Variants in RBFOX1 observed in about 807,000 individuals in gnomAD.
The protein encoded by RBFOX1 is RNA binding fox-1 homolog 1, also known as RNA binding protein fox-1 homolog 1.
RBFOX1 carries 8 observed loss-of-function variants against 57.7 expected under a neutral mutation model. That is an observed-to-expected ratio of 0.14 (90% confidence interval 0.08 to 0.25). The LOEUF is 0.25. Ranked by LOEUF, RBFOX1 falls within the 10% of genes least tolerant of loss-of-function variation. RBFOX1 has a pLI of 1.00. For synonymous variants in RBFOX1, 326 were observed against 222.4 expected, an observed-to-expected ratio of 1.47 and a Z score of -4.15; for missense variants, 611 against 548.5, an observed-to-expected ratio of 1.11 and a Z score of -1.14.
intron 1 of RBFOX1, among the ~76,000 whole-genome samples, chr16:6,116,908 C>T (rs1005000176): frequency 2.0e-5 from 3 of 152,010 alleles, no homozygotes; most frequent in Non-Finnish European, 2.9e-5. Flanking sequence ...AATTGGGAGA[C>T]AGAGGGAGAG....
At position 7,417,528 on chromosome 16, in the gene RBFOX1, TTG is replaced by T. The variant is rs545621108; in HGVS notation, c.28-100587_28-100586del. Among the ~76,000 whole-genome samples the T allele has an allele frequency of 5.2e-3, 355 of 68,238 alleles. 1 individual carries two copies. Among genetic ancestry groups the T allele is most frequent in the Admixed American group, 0.015 (94 of 6,300 alleles). The allele number at this position is 68,238 out of a possible 152,430, so 44.8% of individuals were successfully genotyped here. A position where few individuals can be genotyped will look rare whatever the true frequency, so the allele number is the denominator to read the frequency against. On this transcript the variant is annotated intron_variant, in intron 4 of 15. Transcript: ENST00000550418. ...CGGATTTCACCAGCTTCACATGGTA[TTG>T]TGTGTGTGTGTGTGTGTGTGTGTGT...
At chr16:7,499,396 A>G (rs954659732) in intron 4 of RBFOX1, among the ~76,000 whole-genome samples, 4 of 152,120 alleles carry the variant, frequency 2.6e-5, no homozygotes, top group African/African-American at 9.7e-5. Context: ...TTAACTAATT[A>G]CATCTGCAGT....
chr16:6,708,635 G>C (rs1173302241), intron 3 of RBFOX1, among the ~76,000 whole-genome samples: 2 of 152,188 alleles, frequency 1.3e-5, no homozygotes, highest in African/African-American at 2.4e-5. Flanking sequence ...GATTTGCTAT[G>C]ACAAATCTGC....
At chr16:6,722,774 A>C (rs867662471) in intron 3 of RBFOX1, among the ~76,000 whole-genome samples, 8 of 152,212 alleles carry the variant, frequency 5.3e-5, no homozygotes, top group African/African-American at 1.7e-4. Flanking sequence ...TTATGTAGGC[A>C]TATCTTCATT....
chr16:6,308,911 T>C (rs2079881532), intron 1 of RBFOX1, among the ~76,000 whole-genome samples: 1 of 152,102 alleles, frequency 6.6e-6, no homozygotes, highest in Non-Finnish European at 1.5e-5. Flanking sequence ...TTTTAAACTC[T>C]ACAGCACATT....
intron 4 of RBFOX1, among the ~76,000 whole-genome samples, chr16:7,504,596 T>C (rs1219414986): frequency 6.7e-6 from 1 of 148,674 alleles, no homozygotes; most frequent in Non-Finnish European, 1.5e-5. Flanking sequence ...AAGACTTAGA[T>C]ATGAGGTCTG....
At chr16:6,327,499 G>T (rs966849536) in intron 2 of RBFOX1, among the ~76,000 whole-genome samples, 4 of 151,968 alleles carry the variant, frequency 2.6e-5, no homozygotes, top group African/African-American at 9.7e-5. Context: ...CTCATTTACA[G>T]TCAGTTCGTT....
intron 1 of RBFOX1, among the ~76,000 whole-genome samples, chr16:5,449,876 T>C (rs2068368093): frequency 6.6e-6 from 1 of 152,186 alleles, no homozygotes; most frequent in African/African-American, 2.4e-5. Flanking sequence ...CCAAAGGTCT[T>C]GGATTACAGG....
intron 1 of RBFOX1, among the ~76,000 whole-genome samples, chr16:6,261,384 C>G (rs1181182098): frequency 6.6e-6 from 1 of 152,186 alleles, no homozygotes; most frequent in Non-Finnish European, 1.5e-5. Context: ...AATAGTACGT[C>G]AAAGCAAAAG....
intron 4 of RBFOX1, among the ~76,000 whole-genome samples, chr16:7,140,964 G>T (rs979901330): frequency 1.3e-5 from 2 of 152,188 alleles, no homozygotes; most frequent in African/African-American, 4.8e-5. Flanking sequence ...AATTGGGAGA[G>T]AGAAGGAGGG....
intron 4 of RBFOX1, among the ~76,000 whole-genome samples, chr16:7,482,541 GATTTT>G (rs2064251350): frequency 3.3e-5 from 4 of 122,766 alleles, no homozygotes; most frequent in African/African-American, 1.0e-4. Flanking sequence ...GATTGCCTGG[GATTTT>G]TTTTTTTTTT....
At chr16:6,354,789 A>T (rs1033417435) in intron 2 of RBFOX1, among the ~76,000 whole-genome samples, 11 of 152,186 alleles carry the variant, frequency 7.2e-5, no homozygotes, top group Non-Finnish European at 1.5e-4. Flanking sequence ...AGTGTTTAAC[A>T]AAAATTCATG....
rs551840909 is a variant in RBFOX1 at position 6,769,765 on chromosome 16, T to C, written c.-16+115115T>C. Among the ~76,000 whole-genome samples, 8 of 152,320 alleles carry C rather than the reference T, an allele frequency of 5.3e-5. No individual in the cohort carries two copies. The East Asian group carries it at 1.5e-3, about 29-fold the overall frequency. ...GTACAAATCTAACAAAGGCATGAGATGTGTTCTAAACTTACCTCTAGAAAA... is the reference window on the plus strand; with the variant it reads ...GTACAAATCTAACAAAGGCATGAGACGTGTTCTAAACTTACCTCTAGAAAA... On this transcript the variant is annotated intron_variant, in intron 3 of 15. Coordinates refer to ENST00000550418, the MANE Select transcript of RBFOX1 (RefSeq NM_018723.4).
At chr16:7,364,381 C>T (rs1193897702) in intron 4 of RBFOX1, among the ~76,000 whole-genome samples, 3 of 152,094 alleles carry the variant, frequency 2.0e-5, no homozygotes, top group South Asian at 2.1e-4. Context: ...AAAATGACTA[C>T]ATTATGGTGC....
rs76746157 is a variant in RBFOX1 at position 7,201,565 on chromosome 16, C to A, written c.27+149467C>A. ...CAACCTCTGCCCCACTGGGTTCAAACGATTTTCCTGCCTCAGCCTCCCAAG... is the reference window on the plus strand; with the variant it reads ...CAACCTCTGCCCCACTGGGTTCAAAAGATTTTCCTGCCTCAGCCTCCCAAG... On this transcript the variant is annotated intron_variant, in intron 4 of 15. Transcript: ENST00000550418. 8.6e-5 allele frequency among the ~76,000 whole-genome samples: 13 copies of A among 151,670 alleles called. No homozygotes were observed. The South Asian group carries it at 2.7e-3, about 32-fold the overall frequency.
rs1241539028 is a variant in RBFOX1, at chr16:6,616,481, C to G, written c.-63-38122C>G. 2.6e-5 allele frequency among the ~76,000 whole-genome samples: 4 copies of G among 152,032 alleles called. No homozygotes were observed. The South Asian group carries it at 8.3e-4, about 32-fold the overall frequency. On this transcript the variant is annotated intron_variant, in intron 2 of 15. Transcript: ENST00000550418. ...CACGAGGTCAGGAGATCGAGACCATCCTGGCTAACAAGGTGAAACCCCGAC... is the reference window on the plus strand; with the variant it reads ...CACGAGGTCAGGAGATCGAGACCATGCTGGCTAACAAGGTGAAACCCCGAC...
rs377625948 is a variant in RBFOX1, at chr16:7,054,352, G to A, written c.27+2254G>A. Among the ~76,000 whole-genome samples, 9 of 146,696 alleles carry A rather than the reference G, an allele frequency of 6.1e-5. No homozygotes were observed. The East Asian group carries it at 1.1e-3, about 17-fold the overall frequency. Reference sequence around the variant, plus strand: ...ACTCCCTGGTTTAAGCAATTCTCGTGCCTCAGCCTCCAGAGTCGCTGGGAT... The same window carrying A: ...ACTCCCTGGTTTAAGCAATTCTCGTACCTCAGCCTCCAGAGTCGCTGGGAT... On this transcript the variant is annotated intron_variant, in intron 4 of 15. Transcript: ENST00000550418.
intron 3 of RBFOX1, among the ~76,000 whole-genome samples, chr16:5,807,587 C>A (rs1045339621): frequency 1.3e-5 from 2 of 152,170 alleles, no homozygotes; most frequent in African/African-American, 4.8e-5. Flanking sequence ...GCATAGGTAA[C>A]CACACAAGTG....
chr16:6,081,619 T>C (rs1161923537), intron 1 of RBFOX1, among the ~76,000 whole-genome samples: 1 of 152,232 alleles, frequency 6.6e-6, no homozygotes, highest in Non-Finnish European at 1.5e-5. Context: ...CCCGTGAGGT[T>C]GAACCTGGGG....
Sources: allele counts gnomAD v4.1 joint callset (sites outside exome capture counted in the v4.1 genomes callset), GRCh38; gene constraint gnomAD v4.1.1; transcripts MANE v1.5; gene names NCBI Gene and HGNC (gene_info 2026-07-23, HGNC 2026-07-21).